Variants in PSME4 observed in about 807,000 individuals in gnomAD.
PSME4 encodes the protein proteasome activator subunit 4.
PSME4 carries 89 observed loss-of-function variants against 253.9 expected under a neutral mutation model. The ratio of observed to expected loss-of-function variants is 0.35; its 90% CI spans 0.30 to 0.42. The LOEUF is 0.42. Among genes scored for constraint, PSME4 ranks in the 10% least tolerant of loss-of-function variants. The pLI, the probability that PSME4 is intolerant of heterozygous loss-of-function variation, is 1.00. For synonymous variants in PSME4, 851 were observed against 759.2 expected (o/e 1.12, Z -1.99); for missense variants, 2,014 against 2,195.2 (o/e 0.92, Z 1.65).
intron 1 of PSME4, among the ~76,000 whole-genome samples, chr2:53,964,160 C>A (rs1215522104): frequency 6.6e-6 from 1 of 152,012 alleles, no homozygotes; most frequent in Non-Finnish European, 1.5e-5. Context: ...CAAGAAATTA[C>A]TGAGAGATCT....
chr2:53,944,521 C>T (rs879794348), intron 3 of PSME4, among the ~76,000 whole-genome samples: 8 of 152,100 alleles, frequency 5.3e-5, no homozygotes, highest in Non-Finnish European at 1.0e-4. Flanking sequence ...ATAGGATGTT[C>T]TCCAAATACT....
At chr2:53,882,878 G>A (rs1679456826) in intron 41 of PSME4, among the ~76,000 whole-genome samples, 1 of 144,374 alleles carries the variant, frequency 6.9e-6, no homozygotes, top group Admixed American at 7.1e-5. Flanking sequence ...AACTGTGTAG[G>A]AAAATAACAT....
At chr2:53,960,971 G>C (rs930515889) in intron 1 of PSME4, among the ~76,000 whole-genome samples, 3 of 152,160 alleles carry the variant, frequency 2.0e-5, no homozygotes, top group African/African-American at 7.2e-5. Context: ...GCTGGGCATG[G>C]TGGCGCATGC....
In PSME4 at chr2:53,948,509, A is replaced by G. The variant is rs549743334; in HGVS notation, c.412T>C (p.Leu138=). Residue 138 remains leucine, a synonymous_variant, in exon 3 of 47, where the codon TTG becomes CTG. Transcript: ENST00000404125. ...KKKELLSRAD[L]ELPWRPLYDM... The stretch of plus-strand genomic sequence containing the variant: ...TAAAGTGGTCTCCAGGGTAACTCCA[A>G]ATCAGCTCTTGAAAGAAGTTCCTTT... 28 of 1,612,978 alleles carry G rather than the reference A, an allele frequency of 1.7e-5. No homozygotes were observed. The Admixed American group carries it at 2.0e-4, about 12-fold the overall frequency.
At chr2:53,896,090 C>T (rs1390003162) in intron 32 of PSME4, among the ~76,000 whole-genome samples, 6 of 152,088 alleles carry the variant, frequency 3.9e-5, no homozygotes, top group African/African-American at 1.4e-4. Flanking sequence ...CTGAGACACC[C>T]AAATTTTGAC....
At position 53,939,662 on chromosome 2, in the gene PSME4, T is replaced by C. The variant is rs372158662; in HGVS notation, c.545+294A>G. ...TGAACCACCTTCTTGGCATTACTCCTATTTTTTGTCTGAATAACAAATAAC... is the reference window on the plus strand; with the variant it reads ...TGAACCACCTTCTTGGCATTACTCCCATTTTTTGTCTGAATAACAAATAAC... On this transcript the variant is annotated intron_variant, in intron 4 of 46. Transcript: ENST00000404125. Among the ~76,000 whole-genome samples the C allele has an allele frequency of 2.0e-5, 3 of 152,246 alleles. No homozygotes were observed. The South Asian group carries it at 6.2e-4, about 31-fold the overall frequency.
intron 20 of PSME4, among the ~76,000 whole-genome samples, chr2:53,916,115 C>T (rs1210379673): frequency 2.6e-5 from 4 of 151,784 alleles, no homozygotes; most frequent in East Asian, 1.9e-4. Context: ...CGTGTGGGGG[C>T]GGATGCCTGT....
chr2:53,920,284 C>A lies in PSME4; in HGVS notation c.2329G>T (p.Val777Leu). ...IQWHVPSSEE[V>L]SFAFYLLDSF... ...TCCAAAAGATAAAAGGCAAAAGACA[C>A]TTCTTCTGAAGAAGGAACATGCCAC... The change falls in exon 19 of 47, where the codon GTG becomes TTG. Residue 777 changes from valine (V) to leucine (L), a missense_variant. By Grantham distance (32) the Val-to-Leu change is conservative. Around this residue, in one of 4 missense-constraint regions of PSME4, gnomAD observed 989 missense variants for 1,021.1 expected, o/e 0.97. Transcript: ENST00000404125. 1.2e-6 allele frequency: 2 copies of A among 1,613,974 alleles called. No individual in the cohort carries two copies. The highest frequency in any genetic ancestry group is 1.7e-6 in the Non-Finnish European group (2 of 1,179,906).
chr2:53,961,159 A>T (rs76479676), intron 1 of PSME4, among the ~76,000 whole-genome samples: 3 of 152,150 alleles, frequency 2.0e-5, no homozygotes, highest in African/African-American at 4.8e-5. Context: ...GAAGTAGTCA[A>T]CCTCAAGGTT....
intron 8 of PSME4, among the ~76,000 whole-genome samples, chr2:53,934,296 A>G (rs1669002063): frequency 6.6e-6 from 1 of 152,222 alleles, no homozygotes; most frequent in South Asian, 2.1e-4. Context: ...CCTGAGTTGT[A>G]ATCCTACCTT....
rs183136938 is a variant in PSME4 at position 53,959,387 on chromosome 2, A to G, written c.243-10104T>C. On this transcript the variant is annotated intron_variant, in intron 1 of 46. Coordinates refer to ENST00000404125, the MANE Select transcript of PSME4 (RefSeq NM_014614.3). ...CTCAAAAAAAAGAGGGGGGAAAAAA[A>G]GCTGCTTAATCCCTGACAGCTAGGG... Among the ~76,000 whole-genome samples the G allele has an allele frequency of 3.3e-5, 5 of 152,242 alleles. No individual in the cohort carries two copies. In the East Asian group the frequency reaches 7.8e-4, roughly 24 times the overall value.
At chr2:53,908,100 A>C in intron 24 of PSME4, 1 of 490,478 alleles carries the variant, frequency 2.0e-6, no homozygotes, top group Non-Finnish European at 3.6e-6. Context: ...GAGTTTAGAG[A>C]CTGTCATGGA....
intron 26 of PSME4, among the ~76,000 whole-genome samples, chr2:53,905,262 G>C: frequency 1.3e-5 from 2 of 151,804 alleles, no homozygotes; most frequent in Non-Finnish European, 2.9e-5. Context: ...CTGATCTCAA[G>C]TGATCCACCT....
At chr2:53,895,887 G>C in intron 32 of PSME4, 151 bp from the exon 33 acceptor site, 1 of 657,930 alleles carries the variant, frequency 1.5e-6, no homozygotes, top group Non-Finnish European at 2.4e-6. Context: ...AGCAATTGGA[G>C]GCACATTTCA....
chr2:53,943,917 G>A (rs1669579731), intron 3 of PSME4, among the ~76,000 whole-genome samples: 2 of 147,834 alleles, frequency 1.4e-5, no homozygotes, highest in African/African-American at 5.0e-5. Flanking sequence ...CATTAACATT[G>A]ACTTTTCATT....
At chr2:53,933,322 G>A (rs1282174615) in intron 8 of PSME4, among the ~76,000 whole-genome samples, 3 of 135,814 alleles carry the variant, frequency 2.2e-5, no homozygotes, top group Non-Finnish European at 4.6e-5. Context: ...AGGTTGCAGT[G>A]AGCTGAAATC....
chr2:53,876,150 A>G (rs1679105188), intron 41 of PSME4, among the ~76,000 whole-genome samples: 1 of 152,228 alleles, frequency 6.6e-6, no homozygotes, highest in Non-Finnish European at 1.5e-5. Flanking sequence ...TTCCCCAAGT[A>G]CCACATTCAT....
intron 41 of PSME4, among the ~76,000 whole-genome samples, chr2:53,884,759 G>A (rs1166001472): frequency 6.6e-6 from 1 of 152,106 alleles, no homozygotes; most frequent in African/African-American, 2.4e-5. Context: ...AAGACCTATA[G>A]GTAAGAAGGA....
At chr2:53,900,717 C>T (rs1680357938) in intron 28 of PSME4, among the ~76,000 whole-genome samples, 1 of 152,104 alleles carries the variant, frequency 6.6e-6, no homozygotes, top group African/African-American at 2.4e-5. Context: ...TCGCAAATAG[C>T]AACCCTATGT....
Sources: gnomAD v4.1 joint callset for allele counts (sites outside exome capture counted in the v4.1 genomes callset) on GRCh38, gnomAD v4.1.1 for gene constraint, gnomAD v4.1.1 regional missense constraint, MANE v1.5 for transcripts, NCBI Gene and HGNC (gene_info 2026-07-23, HGNC 2026-07-21) for gene names.